OSBPL5: variants seen among roughly 807,000 people sequenced by gnomAD.
The protein encoded by OSBPL5 is oxysterol-binding protein-related protein 5.
In OSBPL5, 71 loss-of-function variants were observed where a neutral mutation model predicts 111.2. The observed-to-expected ratio is 0.64, with a 90% CI of 0.53 to 0.78. The LOEUF is 0.78. OSBPL5 is among the 30% of genes least tolerant of loss of function. The probability of loss-of-function intolerance (pLI) is 0.00; values close to 1 mark genes in which losing one functional copy is unlikely to be tolerated. For missense variants in OSBPL5, 1,210 were observed against 1,189.3 expected (o/e 1.02, Z -0.26); for synonymous variants, 549 against 513.9 (o/e 1.07, Z -0.93).
chr11:3,157,843 A>G (rs546327947), intron 1 of OSBPL5, among the ~76,000 whole-genome samples: 232 of 152,328 alleles, frequency 1.5e-3, no homozygotes, highest in African/African-American at 5.5e-3. Context: ...AAAGAGCCAC[A>G]TAGCTGCACT....
intron 1 of OSBPL5, among the ~76,000 whole-genome samples, chr11:3,159,325 G>A (rs1846884193): frequency 1.3e-5 from 2 of 152,170 alleles, no homozygotes; most frequent in Admixed American, 6.5e-5. Context: ...CCAGCACCCC[G>A]TCCACAGCAC....
rs200214563 is a variant in OSBPL5 at position 3,092,994 on chromosome 11, C to T, written c.2005G>A (p.Glu669Lys). 6.8e-5 allele frequency: 109 copies of T among 1,605,316 alleles called. No homozygotes were observed. Among genetic ancestry groups the T allele is most frequent in the Non-Finnish European group, 3.5e-5 (41 of 1,177,668 alleles). Residue 669 changes from glutamate (E) to lysine (K), a missense_variant, in exon 18 of 22, where the codon GAG (glutamate) becomes AAG (lysine). By Grantham distance (56) the Glu-to-Lys change is moderately conservative (BLOSUM62 1). Transcript: ENST00000263650. The surrounding 1 kb of genome is among the most constrained non-coding windows in gnomAD (Gnocchi z 5.4). Reference sequence around the variant, plus strand: ...TGTGCCTCCTCCAGTGCAAACTTCTCCTGTGTGGCCCTGTGCTGGTCGCCC... The same window carrying T: ...TGTGCCTCCTCCAGTGCAAACTTCTTCTGTGTGGCCCTGTGCTGGTCGCCC... ...SKGDQHRATQ[E>K]KFALEEAQRQ...
In OSBPL5 at chr11:3,154,799, C is replaced by T. The variant is rs1234013517; in HGVS notation, c.-22+10417G>A. On this transcript the variant is annotated intron_variant, in intron 1 of 21. Transcript: ENST00000263650. This position sits in a 1 kb window ranked among gnomAD's most constrained non-coding sequence, Gnocchi z 4.9. ...TGGAGATGGGGTCTTTAAAGAGCCC[C>T]CTATATACCTAATGTAAATGACGAG... Among the ~76,000 whole-genome samples the T allele has an allele frequency of 6.6e-6, 1 of 151,978 alleles. No homozygotes were observed. The highest frequency in any genetic ancestry group is 2.4e-5 in the African/African-American group (1 of 41,360).
chr11:3,114,424 G>A (rs551112551), intron 7 of OSBPL5, among the ~76,000 whole-genome samples: 1 of 151,944 alleles, frequency 6.6e-6, no homozygotes, highest in African/African-American at 2.4e-5. Flanking sequence ...GAAAGTCCAA[G>A]CGTGGCATGA....
chr11:3,108,362 T>C (rs4565879), intron 7 of OSBPL5, among the ~76,000 whole-genome samples: 135,559 of 152,148 alleles, frequency 0.89, 60,444 homozygotes, highest in Admixed American at 0.93. Flanking sequence ...CCCACCCTGA[T>C]GGCCACCCAC....
chr11:3,156,731 C>G (rs1189750508), intron 1 of OSBPL5, among the ~76,000 whole-genome samples: 1 of 152,214 alleles, frequency 6.6e-6, no homozygotes, highest in Admixed American at 6.5e-5. Flanking sequence ...ACGATATAGG[C>G]GTGATAGGAG....
rs1178442548 is a variant in OSBPL5, at chr11:3,093,784, A to G, written c.1771T>C (p.Ser591Pro). The G allele has an allele frequency of 1.9e-6, 3 of 1,612,898 alleles. No individual in the cohort carries two copies. The change falls in exon 16 of 22, where the codon TCG (serine) becomes CCG (proline). Residue 591 changes from serine (S) to proline (P), a missense_variant. Transcript: ENST00000263650. ...SINQISGKIT[S>P]GEEVLASLSG... is the part of the protein sequence containing the mutation. Reference sequence around the variant, plus strand: ...AGGCTCGCCAGGACTTCCTCTCCCGACGTGATCTTTCCCGAGATCTGGTTG... The same window carrying G: ...AGGCTCGCCAGGACTTCCTCTCCCGGCGTGATCTTTCCCGAGATCTGGTTG...
At chr11:3,136,383 G>C (rs1845948524) in intron 1 of OSBPL5, among the ~76,000 whole-genome samples, 1 of 152,276 alleles carries the variant, frequency 6.6e-6, no homozygotes, top group African/African-American at 2.4e-5. Flanking sequence ...AGAGCCATCA[G>C]CTGGGGCCAC....
chr11:3,164,734 A>G (rs1367933015), intron 1 of OSBPL5, among the ~76,000 whole-genome samples: 2 of 152,148 alleles, frequency 1.3e-5, no homozygotes, highest in African/African-American at 2.4e-5. Context: ...CTGGGACGCC[A>G]GACTCAGATC....
At chr11:3,155,491 TC>T (rs1357196750) in intron 1 of OSBPL5, among the ~76,000 whole-genome samples, 12 of 111,330 alleles carry the variant, frequency 1.1e-4, no homozygotes, top group Non-Finnish European at 2.2e-4. Flanking sequence ...GCTTTGCCAC[TC>T]CCCCCAGCTC....
rs3217567 is a variant in OSBPL5 at position 3,088,054 on chromosome 11, G to GC, written c.*150dup. 0.55 allele frequency: 370,597 copies of GC among 668,038 alleles called. 107,256 individuals carry two copies. The highest frequency in any genetic ancestry group is 0.83 in the East Asian group (25,773 of 30,942). 41.4% of individuals were successfully genotyped at this position (668,038 alleles called of 1,614,324 possible). Reference sequence around the variant, plus strand: ...GGCCCAGCACACCTGGGCCCGCAGCGCCTTGTGGCCCCGGGTCCCTCCTGC... The same window carrying GC: ...GGCCCAGCACACCTGGGCCCGCAGCGCCCTTGTGGCCCCGGGTCCCTCCTGC... On this transcript the variant is annotated 3_prime_UTR_variant, in exon 22 of 22. Transcript: ENST00000263650.
chr11:3,123,150 G>A (rs955314538), intron 3 of OSBPL5, among the ~76,000 whole-genome samples: 16 of 152,168 alleles, frequency 1.1e-4, no homozygotes, highest in African/African-American at 3.9e-4. Flanking sequence ...GGCCCAGGGC[G>A]GCAGTCCCAA....
At chr11:3,133,163 A>G (rs995173938) in intron 1 of OSBPL5, among the ~76,000 whole-genome samples, 3 of 152,178 alleles carry the variant, frequency 2.0e-5, no homozygotes, top group Admixed American at 2.0e-4. Context: ...GAATAATGGA[A>G]AGTTGGCATC....
chr11:3,117,839 C>A (rs913592678), intron 7 of OSBPL5, among the ~76,000 whole-genome samples: 2 of 152,182 alleles, frequency 1.3e-5, no homozygotes, highest in Non-Finnish European at 2.9e-5. Flanking sequence ...ACTTAAACTT[C>A]AGAAGAAAAT....
At chr11:3,129,239 G>A (rs1426052441) in intron 1 of OSBPL5, 70 bp from the exon 2 acceptor site, 2 of 1,319,084 alleles carry the variant, frequency 1.5e-6, no homozygotes, top group South Asian at 3.8e-5. Flanking sequence ...ACATGGTGGG[G>A]GTGCCCCTGG....
intron 1 of OSBPL5, among the ~76,000 whole-genome samples, chr11:3,148,269 G>A (rs1846435694): frequency 6.6e-6 from 1 of 152,242 alleles, no homozygotes; most frequent in Non-Finnish European, 1.5e-5. Context: ...AGGTCATGAG[G>A]GGCATCGGGG....
At position 3,130,151 on chromosome 11, in the gene OSBPL5, CA is replaced by C. The variant is rs932827349; in HGVS notation, c.-21-983del. On this transcript the variant is annotated intron_variant, in intron 1 of 21. Transcript: ENST00000263650. The surrounding 1 kb of genome is among the most constrained non-coding windows in gnomAD (Gnocchi z 4.5). Reference sequence around the variant, plus strand: ...TCCACTGAGGTCTCAGCCCATTTTACAGATGAGAAAATCATGGCTCAGGGAG... The same window carrying C: ...TCCACTGAGGTCTCAGCCCATTTTACGATGAGAAAATCATGGCTCAGGGAG... 9.2e-5 allele frequency among the ~76,000 whole-genome samples: 14 copies of C among 152,272 alleles called. No homozygotes were observed. The highest frequency in any genetic ancestry group is 6.5e-4 in the Admixed American group (10 of 15,290).
In OSBPL5 at chr11:3,120,529, C is replaced by T. The variant is rs774515590; in HGVS notation, c.498G>A (p.Val166=). The T allele has an allele frequency of 1.9e-6, 3 of 1,613,340 alleles. No individual in the cohort carries two copies. The highest frequency in any genetic ancestry group is 1.1e-5 in the South Asian group (1 of 91,086). The change falls in exon 6 of 22, where the codon GTG becomes GTA. Residue 166 remains valine, a synonymous_variant. Transcript: ENST00000263650. ...CGCAGCAGTGCAGCAGCACCGTGCC[C>T]ACCCACTGGCCCACCTTGGGCGTCT... ...IYKTPKVGQW[V]GTVLLHCCEL...
intron 14 of OSBPL5, chr11:3,094,777 G>A (rs1385057948): frequency 1.9e-5 from 3 of 161,196 alleles, no homozygotes; most frequent in South Asian, 1.8e-4. Context: ...GCATCTTCTC[G>A]CTCACTGCTG....
Sources: allele counts gnomAD v4.1 joint callset (sites outside exome capture counted in the v4.1 genomes callset), GRCh38; gene constraint gnomAD v4.1.1; non-coding constraint Gnocchi (gnomAD v3.1); transcripts MANE v1.5; gene names NCBI Gene and HGNC (gene_info 2026-07-23, HGNC 2026-07-21).